Variants in DLGAP1 observed in about 807,000 individuals in gnomAD.
DLGAP1 encodes the protein DLG associated protein 1, also known as disks large-associated protein 1.
In DLGAP1, 11 loss-of-function variants were observed where a neutral mutation model predicts 90.8. The observed-to-expected ratio is 0.12, with a 90% CI of 0.08 to 0.20. The LOEUF (loss-of-function observed/expected upper bound fraction) is 0.20, where lower values mean the gene tolerates loss of function less well. Ranked by LOEUF, DLGAP1 falls within the 10% of genes least tolerant of loss-of-function variation. The pLI is 1.00. For synonymous variants in DLGAP1, 558 were observed against 540.7 expected, an observed-to-expected ratio of 1.03 and a Z score of -0.44; for missense variants, 1,050 against 1,333.8, an observed-to-expected ratio of 0.79 and a Z score of 3.31.
At chr18:4,438,498 T>G (rs1282593644) in intron 1 of DLGAP1, among the ~76,000 whole-genome samples, 2 of 145,080 alleles carry the variant, frequency 1.4e-5, no homozygotes, top group Non-Finnish European at 3.0e-5. Flanking sequence ...TGAAAGCAAC[T>G]GTTTAAATCT....
chr18:3,508,440 G>A (rs2050363386), intron 11 of DLGAP1, 130 bp downstream of exon 11: 2 of 437,392 alleles, frequency 4.6e-6, no homozygotes, highest in Non-Finnish European at 8.0e-6. Context: ...AAAATTCTCT[G>A]TTCCAAGTGA....
rs1186426563 is a variant in DLGAP1 at position 3,720,888 on chromosome 18, C to CAAAAAAAAAAAAAAAAAAA, written c.1591+8228_1591+8246dup. Among the ~76,000 whole-genome samples the CAAAAAAAAAAAAAAAAAAA allele has an allele frequency of 4.4e-3, 222 of 50,282 alleles. 18 individuals carry two copies. Among genetic ancestry groups the CAAAAAAAAAAAAAAAAAAA allele is most frequent in the African/African-American group, 4.8e-3 (60 of 12,486 alleles). 33.0% of individuals were successfully genotyped at this position (50,282 alleles called of 152,430 possible). A position where few individuals can be genotyped will look rare whatever the true frequency, so the allele number is the denominator to read the frequency against. On this transcript the variant is annotated intron_variant, in intron 7 of 12. Transcript: ENST00000315677. Reference sequence around the variant, plus strand: ...GCAACATACTAAGACCTTGTCTCTACAAAAAAAAAAAAAAAAAAAAATTAG... The same window carrying CAAAAAAAAAAAAAAAAAAA: ...GCAACATACTAAGACCTTGTCTCTACAAAAAAAAAAAAAAAAAAAAAAAAAAAAAAAAAAAAAAAATTAG...
intron 2 of DLGAP1, among the ~76,000 whole-genome samples, chr18:4,015,286 A>G (rs1350454652): frequency 6.6e-6 from 1 of 152,170 alleles, no homozygotes; most frequent in Non-Finnish European, 1.5e-5. Flanking sequence ...AGTTTTTGCC[A>G]TCTCTAATCA....
intron 3 of DLGAP1, among the ~76,000 whole-genome samples, chr18:3,964,645 G>C (rs538198024): frequency 6.6e-6 from 1 of 152,264 alleles, no homozygotes; most frequent in Admixed American, 6.5e-5. Context: ...GGAAAAGGGG[G>C]TATCAGCAAG....
At chr18:3,718,192 G>A (rs1441803645) in intron 7 of DLGAP1, among the ~76,000 whole-genome samples, 5 of 152,124 alleles carry the variant, frequency 3.3e-5, no homozygotes, top group Admixed American at 6.5e-5. Context: ...CCGGTGCAGC[G>A]GCTCATGCCT....
At chr18:3,736,170 T>C (rs926501899) in intron 6 of DLGAP1, among the ~76,000 whole-genome samples, 1 of 152,184 alleles carries the variant, frequency 6.6e-6, no homozygotes, top group African/African-American at 2.4e-5. Context: ...ACCTAGGATT[T>C]GGACTTGAAA....
chr18:4,361,693 A>C (rs2056972302), intron 1 of DLGAP1, among the ~76,000 whole-genome samples: 1 of 152,164 alleles, frequency 6.6e-6, no homozygotes, highest in African/African-American at 2.4e-5. Context: ...TTTGGCAACT[A>C]TTTTTTTGAT....
At chr18:3,803,463 A>G (rs1225338578) in intron 5 of DLGAP1, among the ~76,000 whole-genome samples, 1 of 152,228 alleles carries the variant, frequency 6.6e-6, no homozygotes, top group Non-Finnish European at 1.5e-5. Flanking sequence ...AATCTGGCAC[A>G]GGAATGATGC....
At chr18:4,070,833 C>G (rs2075436458) in intron 2 of DLGAP1, among the ~76,000 whole-genome samples, 1 of 152,028 alleles carries the variant, frequency 6.6e-6, no homozygotes. Flanking sequence ...GAATTTAATA[C>G]ATGCCTCTCA....
At chr18:3,908,201 G>A (rs1175257403) in intron 3 of DLGAP1, among the ~76,000 whole-genome samples, 3 of 152,084 alleles carry the variant, frequency 2.0e-5, no homozygotes, top group Non-Finnish European at 4.4e-5. Context: ...CTTGGCTCAT[G>A]GGCAAAATGA....
At chr18:4,121,123 T>C (rs2076147578) in intron 2 of DLGAP1, among the ~76,000 whole-genome samples, 1 of 152,036 alleles carries the variant, frequency 6.6e-6, no homozygotes, top group African/African-American at 2.4e-5. Flanking sequence ...TGAGGTGGGA[T>C]AGAGATTGGG....
At chr18:3,652,791 G>C (rs1038817877) in intron 7 of DLGAP1, among the ~76,000 whole-genome samples, 16 of 152,170 alleles carry the variant, frequency 1.1e-4, no homozygotes, top group African/African-American at 3.9e-4. Context: ...CACCTATGAG[G>C]TATAAACAAA....
At chr18:3,840,841 A>G (rs2068673758) in intron 4 of DLGAP1, among the ~76,000 whole-genome samples, 1 of 152,198 alleles carries the variant, frequency 6.6e-6, no homozygotes, top group African/African-American at 2.4e-5. Context: ...AAGAGCATTC[A>G]AATCTAGGTC....
At chr18:3,924,138 G>C (rs536282716) in intron 3 of DLGAP1, among the ~76,000 whole-genome samples, 3 of 152,306 alleles carry the variant, frequency 2.0e-5, no homozygotes, top group African/African-American at 7.2e-5. Flanking sequence ...GAAATAGTGA[G>C]CCTGGCAGAG....
chr18:4,300,361 A>C (rs2080093671), intron 1 of DLGAP1, among the ~76,000 whole-genome samples: 1 of 152,174 alleles, frequency 6.6e-6, no homozygotes, highest in Non-Finnish European at 1.5e-5. Context: ...AAATGTTTGA[A>C]TCTCTAGTAA....
intron 2 of DLGAP1, among the ~76,000 whole-genome samples, chr18:4,056,438 TCAGA>T (rs1460327501): frequency 1.3e-5 from 2 of 152,196 alleles, no homozygotes; most frequent in Non-Finnish European, 2.9e-5. Context: ...AAACTAGCCC[TCAGA>T]CAGTTATGAT....
At chr18:4,336,417 A>C (rs1199137912) in intron 1 of DLGAP1, among the ~76,000 whole-genome samples, 9 of 152,224 alleles carry the variant, frequency 5.9e-5, no homozygotes, top group Admixed American at 5.2e-4. Flanking sequence ...TGAAGGTAGA[A>C]AAATATAGAC....
chr18:3,795,322 T>C (rs372726500), intron 5 of DLGAP1, among the ~76,000 whole-genome samples: 1 of 152,194 alleles, frequency 6.6e-6, no homozygotes, highest in Admixed American at 6.5e-5. Flanking sequence ...TTCTTTTCTC[T>C]TTTCTTTTTT....
chr18:4,327,658 C>T (rs1398165605), intron 1 of DLGAP1, among the ~76,000 whole-genome samples: 1 of 151,976 alleles, frequency 6.6e-6, no homozygotes. Context: ...ATAATGGGTA[C>T]ACTCCAGATG....
Sources: allele counts gnomAD v4.1 joint callset (sites outside exome capture counted in the v4.1 genomes callset), GRCh38; gene constraint gnomAD v4.1.1; transcripts MANE v1.5; gene names NCBI Gene and HGNC (gene_info 2026-07-23, HGNC 2026-07-21).